The following MBNL3 variants were observed in gnomAD, a reference collection of about 807,000 sequenced individuals.
MBNL3 encodes the protein muscleblind-like protein 3.
A neutral mutation model predicts 24.5 loss-of-function variants in MBNL3; 6 were observed. The ratio of observed to expected loss-of-function variants is 0.25; its 90% CI spans 0.13 to 0.48. The LOEUF (loss-of-function observed/expected upper bound fraction) is 0.48, where lower values mean the gene tolerates loss of function less well. Among genes scored for constraint, MBNL3 ranks in the 20% least tolerant of loss-of-function variants. MBNL3 has a pLI of 0.99. For synonymous variants in MBNL3, 100 were observed against 101.7 expected (o/e 0.98, Z 0.10); for missense variants, 230 against 293.5 (o/e 0.78, Z 1.58).
intron 2 of MBNL3, chrX:132,432,359 G>A (rs1362708419): frequency 1.8e-5 from 2 of 110,841 alleles, no homozygotes; most frequent in Admixed American, 9.6e-5. Flanking sequence ...CTACACATCA[G>A]TAGTTTTTAA....
chrX:132,477,434 G>A (rs1275149132), intron 1 of MBNL3, among the ~76,000 whole-genome samples: 2 of 111,857 alleles, frequency 1.8e-5, no homozygotes, highest in African/African-American at 6.5e-5. Context: ...TCAAAGTTGA[G>A]GAAGCAACAG....
In MBNL3 at chrX:132,375,119, G is replaced by A. The variant is rs1934012381; in HGVS notation, c.*4547C>T. ...TGGGATTAAAAAAGAACTCAACCAT[G>A]TCTGTTTTCATAGTTTTGAGCTGTA... On this transcript the variant is annotated 3_prime_UTR_variant, in exon 9 of 9. Transcript: ENST00000370853. 9.0e-6 allele frequency: 1 copy of A among 111,187 alleles called. No individual in the cohort carries two copies. The highest frequency in any genetic ancestry group is 3.3e-5 in the African/African-American group (1 of 30,697). 9.2% of individuals were successfully genotyped at this position (111,187 alleles called of 1,213,427 possible). A position where few individuals can be genotyped will look rare whatever the true frequency, so the allele number is the denominator to read the frequency against.
rs998139714 is a variant in MBNL3 at position 132,392,193 on chromosome X, C to T, written c.484G>A (p.Ala162Thr). 5 of 1,209,270 alleles carry T rather than the reference C, an allele frequency of 4.1e-6. No individual in the cohort carries two copies. The highest frequency in any genetic ancestry group is 5.6e-6 in the Non-Finnish European group (5 of 894,626). ...TTTGGGCCAACAGCTCCTGGCATTG[C>T]AAGAGGTGGGTTTCCAGGAATCAGA... is the stretch of plus-strand genomic sequence containing the variant. ...PVLIPGNPPL[A>T]MPGAVGPKLM... The change falls in exon 4 of 9, where the codon GCA becomes ACA. Residue 162 changes from alanine to threonine, a missense_variant. Coordinates refer to ENST00000370853, the MANE Select transcript of MBNL3 (RefSeq NM_001386889.1).
At chrX:132,396,593 T>TATATATATTCATATATATATTC (rs1938814543) in intron 3 of MBNL3, among the ~76,000 whole-genome samples, 1 of 52,151 alleles carries the variant, frequency 1.9e-5, no homozygotes, top group Non-Finnish European at 3.2e-5. Flanking sequence ...TATATATTCC[T>TATATATATTCATATATATATTC]ATATATATTC....
chrX:132,411,534 G>T, intron 2 of MBNL3: 1 of 476,256 alleles, frequency 2.1e-6, no homozygotes, highest in Non-Finnish European at 2.6e-6. Flanking sequence ...GGGGTGACTT[G>T]TCCTAATTCA....
In MBNL3 at chrX:132,469,365, G is replaced by C. The variant is rs184745550; in HGVS notation, c.-704+19486C>G. Among the ~76,000 whole-genome samples, 165 of 112,688 alleles carry C rather than the reference G, an allele frequency of 1.5e-3. 3 individuals carry two copies. Among genetic ancestry groups the C allele is most frequent in the African/African-American group, 5.0e-3 (155 of 31,028 alleles). On this transcript the variant is annotated intron_variant, in intron 1 of 8. Coordinates refer to ENST00000370853, the MANE Select transcript of MBNL3 (RefSeq NM_001386889.1). ...AGTACATGCTAAACCAATGGAAGTTGTGCACATCTGTCATATGGAAGACAT... is the reference window on the plus strand; with the variant it reads ...AGTACATGCTAAACCAATGGAAGTTCTGCACATCTGTCATATGGAAGACAT...
chrX:132,420,343 C>T (rs1377758242), intron 2 of MBNL3, among the ~76,000 whole-genome samples: 1 of 111,092 alleles, frequency 9.0e-6, no homozygotes, highest in Admixed American at 9.5e-5. Context: ...GGCGGGTCTG[C>T]GACGGCGGCA....
chrX:132,382,123 A>G (rs1397903098), intron 8 of MBNL3, 55 bp downstream of exon 8: 7 of 1,064,061 alleles, frequency 6.6e-6, no homozygotes, highest in Non-Finnish European at 7.8e-6. Flanking sequence ...TATACTGTGC[A>G]TTACCAAAAC....
intron 1 of MBNL3, among the ~76,000 whole-genome samples, 162 bp downstream of exon 1, chrX:132,488,678 GAGGAGGAGGAA>G (rs749018213): frequency 8.0e-5 from 9 of 112,752 alleles, no homozygotes; most frequent in East Asian, 2.8e-4. Context: ...GAAGAAAAAG[GAGGAGGAGGAA>G]AGGAGGAGGA....
At position 132,377,559 on chromosome X, in the gene MBNL3, G is replaced by C. The variant is rs914041158; in HGVS notation, c.*2107C>G. ...AGCCAAATGGGTCTGCTTTGGAAGA[G>C]AGCATCAAATGTTCTGAAGCAAAAA... On this transcript the variant is annotated 3_prime_UTR_variant, in exon 9 of 9. Coordinates refer to ENST00000370853, the MANE Select transcript of MBNL3 (RefSeq NM_001386889.1). 1.8e-5 allele frequency: 2 copies of C among 111,220 alleles called. No individual in the cohort carries two copies. Among genetic ancestry groups the C allele is most frequent in the African/African-American group, 3.3e-5 (1 of 30,637 alleles). 9.2% of individuals were successfully genotyped at this position (111,220 alleles called of 1,213,427 possible). A position where few individuals can be genotyped will look rare whatever the true frequency, so the allele number is the denominator to read the frequency against.
chrX:132,442,791 G>C (rs757028640), intron 1 of MBNL3, among the ~76,000 whole-genome samples: 2 of 112,474 alleles, frequency 1.8e-5, no homozygotes, highest in Admixed American at 9.4e-5. Context: ...TGTAACCTAT[G>C]ATGAAGCCCT....
intron 1 of MBNL3, among the ~76,000 whole-genome samples, chrX:132,480,358 G>A (rs1417255708): frequency 1.8e-5 from 2 of 111,903 alleles, no homozygotes; most frequent in Non-Finnish European, 3.8e-5. Context: ...CTTTACTAAT[G>A]ATGAGTTATT....
chrX:132,384,955 T>C (rs1935732274), intron 6 of MBNL3, among the ~76,000 whole-genome samples: 1 of 111,834 alleles, frequency 8.9e-6, no homozygotes, highest in South Asian at 3.7e-4. Context: ...CTCACTTAAA[T>C]TACATATTTA....
chrX:132,461,128 T>C (rs1946608543), intron 1 of MBNL3, among the ~76,000 whole-genome samples: 1 of 111,839 alleles, frequency 8.9e-6, no homozygotes, highest in Non-Finnish European at 1.9e-5. Flanking sequence ...CTTATATAAA[T>C]ACTTACAAAA....
intron 8 of MBNL3, among the ~76,000 whole-genome samples, chrX:132,380,007 CAT>C (rs757155473): frequency 8.9e-6 from 1 of 112,551 alleles, no homozygotes; most frequent in South Asian, 3.6e-4. Flanking sequence ...ACTGAGAAAA[CAT>C]GTTTGATACC....
At chrX:132,410,894 C>T (rs766760550) in intron 2 of MBNL3, among the ~76,000 whole-genome samples, 2 of 111,973 alleles carry the variant, frequency 1.8e-5, no homozygotes, top group Admixed American at 1.9e-4. Flanking sequence ...TGGCAAATTT[C>T]CCACTTTCTT....
At chrX:132,449,977 G>GCCCCCCCCCCCCC (rs59387058) in intron 1 of MBNL3, among the ~76,000 whole-genome samples, 6 of 25,460 alleles carry the variant, frequency 2.4e-4, no homozygotes, top group East Asian at 1.5e-3. Flanking sequence ...GCTGAATATT[G>GCCCCCCCCCCCCC]CCCCCCCCCC....
At chrX:132,406,189 A>G in intron 3 of MBNL3, 39 bp downstream of exon 3, 1 of 1,204,144 alleles carries the variant, frequency 8.3e-7, no homozygotes. Context: ...TCCACTGTTG[A>G]TCTTTATCGG....
At chrX:132,425,970 G>C (rs1944269288) in intron 2 of MBNL3, among the ~76,000 whole-genome samples, 1 of 111,661 alleles carries the variant, frequency 9.0e-6, no homozygotes, top group African/African-American at 3.3e-5. Flanking sequence ...TCAAATCTAG[G>C]TTAAAATGTG....
Sources: gnomAD v4.1 joint callset for allele counts (sites outside exome capture counted in the v4.1 genomes callset) on GRCh38, gnomAD v4.1.1 for gene constraint, MANE v1.5 for transcripts, NCBI Gene and HGNC (gene_info 2026-07-23, HGNC 2026-07-21) for gene names.